Variants in EME2 observed in about 807,000 individuals in gnomAD.
The protein encoded by EME2 is structure-specific endonuclease subunit EME2.
In EME2, 58 loss-of-function variants were observed where a neutral mutation model predicts 41.9. That is an observed-to-expected ratio of 1.38 (90% CI 1.12 to 1.72). The LOEUF is 1.72. Among genes scored for constraint, EME2 ranks in the 40% most tolerant of loss-of-function variants. The pLI is 0.00. For missense variants in EME2, 695 were observed against 541.9 expected (o/e 1.28, Z -2.81); for synonymous variants, 334 against 239.3 (o/e 1.40, Z -3.65).
At position 1,776,249 on chromosome 16, in the gene EME2, G is replaced by A. The variant is rs1235001642; in HGVS notation, c.*11G>A. ...GACCTGGGCTCCTGACCACACGTGGGACCACCAGGACAGCATGCAGCCTTG... is the reference window on the plus strand; with the variant it reads ...GACCTGGGCTCCTGACCACACGTGGAACCACCAGGACAGCATGCAGCCTTG... On this transcript the variant is annotated 3_prime_UTR_variant, in exon 8 of 8. Transcript: ENST00000568449. 12 of 1,611,754 alleles carry A rather than the reference G, an allele frequency of 7.4e-6. No individual in the cohort carries two copies. The Middle Eastern group carries it at 6.6e-4, about 89-fold the overall frequency.
chr16:1,775,003 C>G, intron 3 of EME2, 38 bp from the exon 4 acceptor site: 1 of 1,549,880 alleles, frequency 6.5e-7, no homozygotes, highest in Non-Finnish European at 8.8e-7. Flanking sequence ...AGGCCGCAGC[C>G]TCCTGTGAAC....
intron 5 of EME2, 64 bp downstream of exon 5, chr16:1,775,472 G>C (rs1184864465): frequency 6.3e-7 from 1 of 1,599,366 alleles, no homozygotes; most frequent in Non-Finnish European, 8.6e-7. Context: ...GCTGCTGGCT[G>C]GGTTTGGTTC....
In EME2 at chr16:1,775,688, C is replaced by A. The variant is rs3826055; in HGVS notation, c.779+4C>A. The A allele has an allele frequency of 1.2e-6, 2 of 1,612,910 alleles. No individual in the cohort carries two copies. Among genetic ancestry groups the A allele is most frequent in the African/African-American group, 1.3e-5 (1 of 75,068 alleles). On this transcript the variant is annotated splice_donor_region_variant and intron_variant, in intron 6 of 7. Transcript: ENST00000568449. ...CTCTCGCCCAGTATCCCCTCAAGTGCGTGATGCCAAGGCTGAAGGGGGGCA... is the reference window on the plus strand; with the variant it reads ...CTCTCGCCCAGTATCCCCTCAAGTGAGTGATGCCAAGGCTGAAGGGGGGCA...
In EME2 at chr16:1,778,500, G is replaced by A. The variant is rs73483721; in HGVS notation, c.*2262G>A. 904 of 1,612,082 alleles carry A rather than the reference G, an allele frequency of 5.6e-4. 10 individuals carry two copies. The African/African-American group carries it at 0.01, about 18-fold the overall frequency. On this transcript the variant is annotated 3_prime_UTR_variant, in exon 8 of 8. Coordinates refer to ENST00000568449, the MANE Select transcript of EME2 (RefSeq NM_001257370.2). Reference sequence around the variant, plus strand: ...GGCCGAGTGCAGGCTGCTACAGAAGGAGGCCTCGCTCTGCCCAGCACAGTC... The same window carrying A: ...GGCCGAGTGCAGGCTGCTACAGAAGAAGGCCTCGCTCTGCCCAGCACAGTC...
Position 1,777,300 on chromosome 16 carries a change from G to A in EME2, c.*1062G>A, listed in dbSNP as rs370642761. Reference sequence around the variant, plus strand: ...TCCAGCGTGTCTCCCGAGTCTGGCCGCAGCTGGCGCAGGCGGTGGCAGCAC... The same window carrying A: ...TCCAGCGTGTCTCCCGAGTCTGGCCACAGCTGGCGCAGGCGGTGGCAGCAC... On this transcript the variant is annotated 3_prime_UTR_variant, in exon 8 of 8. Transcript: ENST00000568449. 1.3e-5 allele frequency: 21 copies of A among 1,609,916 alleles called. No homozygotes were observed. The highest frequency in any genetic ancestry group is 4.0e-5 in the African/African-American group (3 of 74,940).
Position 1,776,269 on chromosome 16 carries a change from G to A in EME2, c.*31G>A, listed in dbSNP as rs773229591. 18 of 1,608,836 alleles carry A rather than the reference G, an allele frequency of 1.1e-5. No homozygotes were observed. The highest frequency in any genetic ancestry group is 1.5e-5 in the Non-Finnish European group (18 of 1,177,624). On this transcript the variant is annotated 3_prime_UTR_variant, in exon 8 of 8. Transcript: ENST00000568449. ...CGTGGGACCACCAGGACAGCATGCA[G>A]CCTTGGGGACAGACCAGACACCCTG...
At chr16:1,776,041 C>A (rs1367661345) in intron 7 of EME2, 27 bp from the exon 8 acceptor site, 6 of 1,604,942 alleles carry the variant, frequency 3.7e-6, no homozygotes, top group Non-Finnish European at 4.3e-6. Context: ...TCCCCAGGCG[C>A]CCTCTCATGC....
At position 1,775,355 on chromosome 16, in the gene EME2, A is replaced by C. The variant is rs148471217; in HGVS notation, c.610A>C (p.Ser204Arg). 448 of 1,611,594 alleles carry C rather than the reference A, an allele frequency of 2.8e-4. 1 individual carries two copies. Among genetic ancestry groups the C allele is most frequent in the Admixed American group, 1.8e-4 (11 of 59,998 alleles). Residue 204 changes from serine to arginine, a missense_variant, in exon 5 of 8, where the codon AGC becomes CGC. Coordinates refer to ENST00000568449, the MANE Select transcript of EME2 (RefSeq NM_001257370.2). ...TTCCCGGGGGACACAGCAGCCAGAG[A>C]GCCCGAAGGTGGCCGGTGCCGAGGT... ...HVSRGTQQPE[S>R]PKVAGAEVAV...
At position 1,776,111 on chromosome 16, in the gene EME2, T is replaced by A. The variant is rs146182784; in HGVS notation, c.1013T>A (p.Leu338Gln). 2 of 1,611,660 alleles carry A rather than the reference T, an allele frequency of 1.2e-6. No individual in the cohort carries two copies. Among genetic ancestry groups the A allele is most frequent in the Non-Finnish European group, 1.7e-6 (2 of 1,179,726 alleles). The change falls in exon 8 of 8, where the codon CTG becomes CAG. Residue 338 changes from leucine (L) to glutamine (Q), a missense_variant. By Grantham distance (113) the Leu-to-Gln change is moderately radical. Transcript: ENST00000568449. ...ACGGAGCGGGAGCGCATGGGCCTCC[T>A]GGCCGACCTTCCTGTGCCGCCCAGT... ...CSTERERMGLLADLPVPPSEG... is the reference protein window; with the variant it reads ...CSTERERMGLQADLPVPPSEG...
chr16:1,778,745 C>A lies in EME2; in HGVS notation c.*2507C>A. 1 of 1,007,350 alleles carries A rather than the reference C, an allele frequency of 9.9e-7. No homozygotes were observed. The highest frequency in any genetic ancestry group is 1.4e-6 in the Non-Finnish European group (1 of 714,124). The allele number at this position is 1,007,350 out of a possible 1,614,324, so 62.4% of individuals were successfully genotyped here. A position where few individuals can be genotyped will look rare whatever the true frequency, so the allele number is the denominator to read the frequency against. On this transcript the variant is annotated 3_prime_UTR_variant, in exon 8 of 8. Coordinates refer to ENST00000568449, the MANE Select transcript of EME2 (RefSeq NM_001257370.2). ...GGGGTCCAGGCCTCCAGGGACTTCA[C>A]AGTACCCCGAGCGCACAGCCCAGGC...
At position 1,774,266 on chromosome 16, in the gene EME2, C is replaced by T. The variant is rs1468495553; in HGVS notation, c.391C>T (p.Pro131Ser). Residue 131 changes from proline (P) to serine (S), a missense_variant, in exon 3 of 8, where the codon CCT becomes TCT. Transcript: ENST00000568449. ...CGTCCCCATGTCCCCACAGCTGCCT[C>T]CTGAAGTGTGGGCTGCAGGTGAACA... ...SPDPCPRSLP[P>S]EVWAAGEQEL... The T allele has an allele frequency of 6.2e-7, 1 of 1,612,672 alleles. No individual in the cohort carries two copies. The highest frequency in any genetic ancestry group is 1.1e-5 in the South Asian group (1 of 91,088).
At position 1,775,629 on chromosome 16, in the gene EME2, G is replaced by A. The variant is rs770734084; in HGVS notation, c.724G>A (p.Glu242Lys). 26 of 1,612,922 alleles carry A rather than the reference G, an allele frequency of 1.6e-5. No individual in the cohort carries two copies. The highest frequency in any genetic ancestry group is 2.1e-5 in the Non-Finnish European group (25 of 1,180,040). Residue 242 changes from glutamate to lysine, a missense_variant, in exon 6 of 8, where the codon GAG (glutamate) becomes AAG (lysine). Physicochemically the swap from Glu to Lys is moderately conservative, Grantham distance 56. Transcript: ENST00000568449. ...LDVLLVASWQ[E>K]LSRHVCAVTK... is the part of the protein sequence containing the mutation. ...CGTGCTACTGGTGGCCTCTTGGCAG[G>A]AGCTGAGTCGGCACGTGTGCGCCGT... is the stretch of plus-strand genomic sequence containing the variant.
At chr16:1,774,428 G>A (rs905639377) in intron 3 of EME2, 76 bp downstream of exon 3, 2 of 1,244,768 alleles carry the variant, frequency 1.6e-6, no homozygotes, top group Non-Finnish European at 1.2e-6. Context: ...TGCTCCGCCG[G>A]TCCCTGCCCC....
At position 1,775,969 on chromosome 16, in the gene EME2, C is replaced by T; in HGVS notation, c.952C>T (p.Pro318Ser). The T allele has an allele frequency of 3.1e-6, 5 of 1,609,514 alleles. No individual in the cohort carries two copies. The highest frequency in any genetic ancestry group is 4.2e-6 in the Non-Finnish European group (5 of 1,179,216). The part of the protein sequence containing the change: ...ADAVVTAFPS[P>S]RLLQQALEAC... ...TGCAGTTGTCACAGCCTTCCCCTCC[C>T]CCCGCCTTCTGCAGCAGGTGGGCCC... The change falls in exon 7 of 8, where the codon CCC becomes TCC. Residue 318 changes from proline to serine, a missense_variant. Pro to Ser is a moderately conservative substitution (Grantham distance 74, BLOSUM62 -1). Transcript: ENST00000568449.
In EME2 at chr16:1,777,185, GGAGC is replaced by G. The variant is rs752926825; in HGVS notation, c.*948_*951del. On this transcript the variant is annotated 3_prime_UTR_variant, in exon 8 of 8. Coordinates refer to ENST00000568449, the MANE Select transcript of EME2 (RefSeq NM_001257370.2). ...GGTCGCTGCCTGGGGATCGGACACTGGAGCCTTGCGGCGGCTGCAACTCATGCTC... is the reference window on the plus strand; with the variant it reads ...GGTCGCTGCCTGGGGATCGGACACTGCTTGCGGCGGCTGCAACTCATGCTC... 6.2e-7 allele frequency: 1 copy of G among 1,610,704 alleles called. No homozygotes were observed. The highest frequency in any genetic ancestry group is 8.5e-7 in the Non-Finnish European group (1 of 1,179,856).
rs202056564 is a variant in EME2 at position 1,775,902 on chromosome 16, G to A, written c.885G>A (p.Arg295=). The change falls in exon 7 of 8, where the codon AGG becomes AGA. Residue 295 remains arginine (R), a synonymous_variant. Transcript: ENST00000568449. ...DGAGLQAAWR[R]QIRQFSRVSP... ...CAGGGCTGCAGGCGGCCTGGCGGAG[G>A]CAGATCAGGCAGTTCAGTCGGGTCA... The A allele has an allele frequency of 1.2e-6, 2 of 1,612,434 alleles. No homozygotes were observed. Among genetic ancestry groups the A allele is most frequent in the Non-Finnish European group, 1.7e-6 (2 of 1,179,820 alleles).
rs377522534 is a variant in EME2, at chr16:1,775,872, C to T, written c.855C>T (p.Asp285=). The T allele has an allele frequency of 8.5e-5, 137 of 1,612,474 alleles. No homozygotes were observed. Among genetic ancestry groups the T allele is most frequent in the Middle Eastern group, 6.6e-4 (4 of 6,084 alleles). Residue 285 remains aspartate, a synonymous_variant, in exon 7 of 8, where the codon GAC becomes GAT. Transcript: ENST00000568449. ...RWAAGEPVAR[D]GAGLQAAWRR... is the part of the protein sequence containing the mutation. ...CAGCCGGCGAGCCAGTGGCAAGAGA[C>T]GGCGCAGGGCTGCAGGCGGCCTGGC...
intron 3 of EME2, chr16:1,774,805 G>A: frequency 1.7e-6 from 1 of 590,740 alleles, no homozygotes; most frequent in South Asian, 2.0e-5. Context: ...CAGGATGAGG[G>A]GCTCAATGGA....
chr16:1,774,057 T>C (rs970261231), intron 2 of EME2, among the ~76,000 whole-genome samples: 6 of 152,188 alleles, frequency 3.9e-5, no homozygotes, highest in African/African-American at 1.4e-4. Context: ...ATTCAGGCTG[T>C]GGTCTGGATT....
Sources: gnomAD v4.1 joint callset for allele counts (sites outside exome capture counted in the v4.1 genomes callset) on GRCh38, gnomAD v4.1.1 for gene constraint, MANE v1.5 for transcripts, NCBI Gene and HGNC (gene_info 2026-07-23, HGNC 2026-07-21) for gene names.